The following CDH4 variants were observed in gnomAD, a reference collection of about 807,000 sequenced individuals.
CDH4 encodes cadherin 4, also known as cadherin-4.
In CDH4, 33 loss-of-function variants were observed where a neutral mutation model predicts 86.0. The observed-to-expected ratio is 0.38, with a 90% CI of 0.29 to 0.51. The LOEUF is 0.51. CDH4 is among the 20% of genes least tolerant of loss of function. The pLI, the probability that CDH4 is intolerant of heterozygous loss-of-function variation, is 0.86. For missense variants in CDH4, 1,114 were observed against 1,307.4 expected, an observed-to-expected ratio of 0.85 and a Z score of 2.28; for synonymous variants, 555 against 549.4, an observed-to-expected ratio of 1.01 and a Z score of -0.14.
intron 2 of CDH4, among the ~76,000 whole-genome samples, chr20:61,470,306 A>G (rs1473409727): frequency 1.3e-5 from 2 of 152,016 alleles, no homozygotes; most frequent in African/African-American, 4.8e-5. Context: ...ACTATTGTAA[A>G]TGGAATTACT....
chr20:61,362,962 G>GC (rs1177574617), intron 2 of CDH4, among the ~76,000 whole-genome samples: 1 of 152,176 alleles, frequency 6.6e-6, no homozygotes, highest in East Asian at 1.9e-4. Flanking sequence ...TGTGTCCTGT[G>GC]CCCTTGTGCC....
At chr20:61,665,254 C>T (rs569957711) in intron 2 of CDH4, among the ~76,000 whole-genome samples, 1 of 152,362 alleles carries the variant, frequency 6.6e-6, no homozygotes, top group South Asian at 2.1e-4. Context: ...CCTTGGCCTC[C>T]AGACCCAGGA....
chr20:61,624,185 C>T (rs1242794401), intron 2 of CDH4, among the ~76,000 whole-genome samples: 4 of 152,172 alleles, frequency 2.6e-5, no homozygotes, highest in African/African-American at 4.8e-5. Flanking sequence ...TCCCCAAAGC[C>T]GTCGTGCTAG....
intron 5 of CDH4, among the ~76,000 whole-genome samples, chr20:61,849,357 G>A (rs938864610): frequency 6.6e-6 from 1 of 152,214 alleles, no homozygotes. Context: ...GGGTGTGTTA[G>A]TTCTCTGCAC....
chr20:61,649,873 T>A (rs905199807), intron 2 of CDH4, among the ~76,000 whole-genome samples: 1 of 152,312 alleles, frequency 6.6e-6, no homozygotes, highest in African/African-American at 2.4e-5. Context: ...GGACCTTTTG[T>A]TAGCCTGTGT....
intron 2 of CDH4, among the ~76,000 whole-genome samples, chr20:61,621,246 A>G (rs2086774777): frequency 6.6e-6 from 1 of 152,104 alleles, no homozygotes; most frequent in Admixed American, 6.5e-5. Context: ...AGTGTTGGCT[A>G]TTTGCTTCTG....
chr20:61,910,437 C>T lies in CDH4; in HGVS notation c.1204C>T (p.Pro402Ser), dbSNP rs1164002535. 2.5e-6 allele frequency: 4 copies of T among 1,613,334 alleles called. No homozygotes were observed. The highest frequency in any genetic ancestry group is 1.7e-5 in the Admixed American group (1 of 60,022). Residue 402 changes from proline to serine, a missense_variant, in exon 9 of 16, where the codon CCC becomes TCC. Pro to Ser is a moderately conservative substitution (Grantham distance 74). Around this residue, in one of 3 missense-constraint regions of CDH4, gnomAD observed 705 missense variants for 914.1 expected, o/e 0.77. Transcript: ENST00000614565. ...CATTTTGCAGTTTGCAGGGGAGGTCCCCGAAAACCGCGTGGAGACCGTGGT... is the reference window on the plus strand; with the variant it reads ...CATTTTGCAGTTTGCAGGGGAGGTCTCCGAAAACCGCGTGGAGACCGTGGT... ...FTASTFAGEV[P>S]ENRVETVVAN...
intron 2 of CDH4, among the ~76,000 whole-genome samples, chr20:61,351,241 A>AC (rs11481242): frequency 0.8 from 122,239 of 152,148 alleles, 49,783 homozygotes; most frequent in African/African-American, 0.95. Flanking sequence ...ACATGGACAG[A>AC]TTTTTTCTTG....
At chr20:61,760,667 C>T (rs1190429589) in intron 3 of CDH4, among the ~76,000 whole-genome samples, 1 of 152,268 alleles carries the variant, frequency 6.6e-6, no homozygotes, top group African/African-American at 2.4e-5. Context: ...TGAGGCTTTC[C>T]TTCCAAATGG....
intron 2 of CDH4, among the ~76,000 whole-genome samples, chr20:61,282,770 C>T (rs747777576): frequency 2.6e-5 from 4 of 152,194 alleles, no homozygotes; most frequent in African/African-American, 9.7e-5. Context: ...TGTATGCACA[C>T]GGATAAGCAT....
intron 2 of CDH4, among the ~76,000 whole-genome samples, chr20:61,696,035 C>T (rs572865969): frequency 6.6e-6 from 1 of 152,332 alleles, no homozygotes; most frequent in Non-Finnish European, 1.5e-5. Context: ...GGCTGCACCT[C>T]CTAGCCTACA....
chr20:61,710,598 C>T (rs945621115), intron 2 of CDH4, among the ~76,000 whole-genome samples: 2 of 152,192 alleles, frequency 1.3e-5, no homozygotes, highest in Non-Finnish European at 2.9e-5. Context: ...CCTCTGGGGC[C>T]CTGGGGCTGC....
chr20:61,444,237 T>TCTA (rs2145536887), intron 2 of CDH4, among the ~76,000 whole-genome samples: 2 of 4,132 alleles, frequency 4.8e-4, no homozygotes, highest in South Asian at 7.5e-3. Flanking sequence ...TCTTTGTGTA[T>TCTA]TTTGTGTGTG....
In CDH4 at chr20:61,746,914, C is replaced by A. The variant is rs1367832233; in HGVS notation, c.396+3125C>A. Among the ~76,000 whole-genome samples the A allele has an allele frequency of 2.0e-5, 3 of 152,206 alleles. No individual in the cohort carries two copies. The East Asian group carries it at 5.8e-4, about 29-fold the overall frequency. On this transcript the variant is annotated intron_variant, in intron 3 of 15. Coordinates refer to ENST00000614565, the MANE Select transcript of CDH4 (RefSeq NM_001794.5). The stretch of plus-strand genomic sequence containing the variant: ...GACGCTGGGCCACCTGGTTGATGCG[C>A]CCTTACAGAGCGTGATGCCAGCCTC...
At chr20:61,345,708 A>G (rs923036608) in intron 2 of CDH4, among the ~76,000 whole-genome samples, 3 of 152,160 alleles carry the variant, frequency 2.0e-5, no homozygotes, top group African/African-American at 7.2e-5. Flanking sequence ...CTGCACTGAG[A>G]TCCTGAATGG....
intron 2 of CDH4, among the ~76,000 whole-genome samples, chr20:61,385,459 CCCG>C (rs199927089): frequency 1.4e-5 from 2 of 140,524 alleles, no homozygotes; most frequent in African/African-American, 5.6e-5. Context: ...CCCGCCGCCC[CCCG>C]CCCCCTTGGA....
intron 2 of CDH4, among the ~76,000 whole-genome samples, chr20:61,721,951 C>G (rs945117327): frequency 2.6e-5 from 4 of 152,070 alleles, no homozygotes; most frequent in Admixed American, 2.6e-4. Context: ...ATGGGGTGTG[C>G]TGGAGAGTGG....
At chr20:61,635,086 G>A (rs1465127430) in intron 2 of CDH4, among the ~76,000 whole-genome samples, 1 of 152,134 alleles carries the variant, frequency 6.6e-6, no homozygotes, top group African/African-American at 2.4e-5. Context: ...TGATGTGAAC[G>A]GTGCTGCTGT....
intron 2 of CDH4, among the ~76,000 whole-genome samples, chr20:61,736,022 A>G (rs2088258838): frequency 6.6e-6 from 1 of 152,166 alleles, no homozygotes; most frequent in Admixed American, 6.5e-5. Flanking sequence ...GCTTCCACTC[A>G]GGACACCCCC....
Sources: gnomAD v4.1 joint callset for allele counts (sites outside exome capture counted in the v4.1 genomes callset) on GRCh38, gnomAD v4.1.1 for gene constraint, gnomAD v4.1.1 regional missense constraint, MANE v1.5 for transcripts, NCBI Gene and HGNC (gene_info 2026-07-23, HGNC 2026-07-21) for gene names.